UFD1: variants seen among roughly 807,000 people sequenced by gnomAD.
UFD1 encodes ubiquitin recognition factor in ER-associated degradation protein 1.
UFD1 carries 13 observed loss-of-function variants against 45.9 expected under a neutral mutation model. The ratio of observed to expected loss-of-function variants is 0.28; its 90% CI spans 0.18 to 0.45. The LOEUF is 0.45. Ranked by LOEUF, UFD1 falls within the 20% of genes least tolerant of loss-of-function variation. UFD1 has a pLI of 1.00. For synonymous variants in UFD1, 128 were observed against 139.2 expected (o/e 0.92, Z 0.56); for missense variants, 218 against 389.2 (o/e 0.56, Z 3.70).
chr22:19,473,026 T>C (rs570587443), intron 3 of UFD1, among the ~76,000 whole-genome samples: 12 of 152,288 alleles, frequency 7.9e-5, no homozygotes, highest in African/African-American at 2.9e-4. Flanking sequence ...ACAGAGAACC[T>C]CTGAGAGTAG....
intron 11 of UFD1, chr22:19,453,926 G>A (rs938319066): frequency 4.5e-5 from 44 of 985,542 alleles, no homozygotes; most frequent in African/African-American, 1.6e-4. Context: ...CTGAAGCGCT[G>A]GTGTTGTAGA....
chr22:19,454,217 C>T, intron 11 of UFD1: 5 of 992,590 alleles, frequency 5.0e-6, no homozygotes, highest in Non-Finnish European at 6.0e-6. Context: ...TTTCATACAC[C>T]CTACACCAGC....
rs2146310437 is a variant in UFD1, at chr22:19,475,557, T to C, written c.49A>G (p.Asn17Asp). The change falls in exon 2 of 12, where the codon AAC becomes GAC. Residue 17 changes from asparagine to aspartate, a missense_variant. Asn to Asp is a conservative substitution (Grantham distance 23). Around this residue, in one of 2 missense-constraint regions of UFD1, gnomAD observed 149 missense variants for 307.5 expected, o/e 0.48. Transcript: ENST00000263202. ...FDHPIPRVFQ[N>D]RFSTQYRCFS... The stretch of plus-strand genomic sequence containing the variant: ...CAGCGGTACTGTGTGGAGAAGCGGT[T>C]TTGGAAGACCCTGGGAATAGGGTGG... 1 of 1,614,060 alleles carries C rather than the reference T, an allele frequency of 6.2e-7. No individual in the cohort carries two copies. The highest frequency in any genetic ancestry group is 2.2e-5 in the East Asian group (1 of 44,884).
At chr22:19,471,198 C>G (rs755699243) in intron 4 of UFD1, 1 of 506,304 alleles carries the variant, frequency 2.0e-6, no homozygotes, top group South Asian at 1.4e-5. Context: ...TCCTTCAAGT[C>G]AACTTTCCAA....
chr22:19,458,974 A>G (rs1286129431), intron 6 of UFD1, among the ~76,000 whole-genome samples: 12 of 152,200 alleles, frequency 7.9e-5, no homozygotes. Flanking sequence ...GTTGGGCAAA[A>G]TCATCTACTA....
At chr22:19,451,853 C>G in intron 11 of UFD1, 3 of 985,468 alleles carry the variant, frequency 3.0e-6, no homozygotes, top group Non-Finnish European at 3.6e-6. Flanking sequence ...AAACCTGTGT[C>G]TCCTGGGCCT....
Position 19,456,569 on chromosome 22 carries a change from A to T in UFD1, c.678+18T>A. 1 of 1,614,150 alleles carries T rather than the reference A, an allele frequency of 6.2e-7. No individual in the cohort carries two copies. Among genetic ancestry groups the T allele is most frequent in the Non-Finnish European group, 8.5e-7 (1 of 1,180,020 alleles). Reference sequence around the variant, plus strand: ...AGCAGAGGGCACAGCAATATAAGTCAAGTGGTCTGGTACTCACGCGGAAGC... The same window carrying T: ...AGCAGAGGGCACAGCAATATAAGTCTAGTGGTCTGGTACTCACGCGGAAGC... On this transcript the variant is annotated intron_variant, in intron 9 of 11. Transcript: ENST00000263202.
In UFD1 at chr22:19,454,941, GC is replaced by G. The variant is rs2089711756; in HGVS notation, c.768-112del. ...AAAGATGCTGCTGCACCCCACCTGG[GC>G]CCTTTGGTGCTTCCTGGCATCCTCC... On this transcript the variant is annotated intron_variant, in intron 10 of 11. Coordinates refer to ENST00000263202, the MANE Select transcript of UFD1 (RefSeq NM_005659.7). 4 of 1,226,958 alleles carry G rather than the reference GC, an allele frequency of 3.3e-6. No individual in the cohort carries two copies. In the East Asian group the frequency reaches 1.0e-4, roughly 32 times the overall value. The allele number at this position is 1,226,958 out of a possible 1,614,324, so 76.0% of individuals were successfully genotyped here.
At chr22:19,459,804 TCTTGGCTCA>T (rs2089752187) in intron 6 of UFD1, among the ~76,000 whole-genome samples, 1 of 144,240 alleles carries the variant, frequency 6.9e-6, no homozygotes, top group Non-Finnish European at 1.5e-5. Flanking sequence ...AATGGTATGG[TCTTGGCTCA>T]CTGCAACCTC....
At chr22:19,463,118 G>T (rs2089778830) in intron 6 of UFD1, among the ~76,000 whole-genome samples, 2 of 152,060 alleles carry the variant, frequency 1.3e-5, no homozygotes, top group African/African-American at 4.8e-5. Flanking sequence ...TGTCATGATG[G>T]GCTGACCACC....
intron 4 of UFD1, 104 bp downstream of exon 4, chr22:19,471,583 G>A: frequency 2.7e-6 from 4 of 1,501,338 alleles, no homozygotes; most frequent in Non-Finnish European, 3.6e-6. Flanking sequence ...ACGCTGAGCA[G>A]GAGGAGTAGG....
chr22:19,450,859 G>T, intron 11 of UFD1, 115 bp from the exon 12 acceptor site: 1 of 1,566,870 alleles, frequency 6.4e-7, no homozygotes, highest in East Asian at 2.3e-5. Flanking sequence ...TCTCAGGCTG[G>T]ACACGATAGC....
At chr22:19,470,735 C>T (rs142600362) in intron 4 of UFD1, 1 of 455,870 alleles carries the variant, frequency 2.2e-6, no homozygotes, top group Non-Finnish European at 4.4e-6. Context: ...AGCCACCGTA[C>T]CTGGCCAGAA....
At chr22:19,479,014 G>C (rs2089922304) in intron 1 of UFD1, 69 bp downstream of exon 1, 22 of 1,418,954 alleles carry the variant, frequency 1.6e-5, no homozygotes, top group Non-Finnish European at 1.8e-5. Context: ...GCCCCGCCCT[G>C]CCCCGCCGGG....
intron 6 of UFD1, 35 bp downstream of exon 6, chr22:19,465,167 T>C (rs766638676): frequency 6.2e-7 from 1 of 1,602,950 alleles, no homozygotes; most frequent in Non-Finnish European, 8.5e-7. Flanking sequence ...TGCAGGTGGC[T>C]CTTGTCAGGA....
Position 19,479,180 on chromosome 22 carries a change from C to G in UFD1, c.-95G>C, listed in dbSNP as rs2089928385. On this transcript the variant is annotated 5_prime_UTR_variant, in exon 1 of 12. Coordinates refer to ENST00000263202, the MANE Select transcript of UFD1 (RefSeq NM_005659.7). ...CCAGCCGCCGCTGCCGCTGCCGCCG[C>G]GCCAAGCCGGTACGCCCCAGAGGCT... 1.4e-5 allele frequency: 22 copies of G among 1,575,956 alleles called. No homozygotes were observed. The highest frequency in any genetic ancestry group is 1.8e-5 in the Non-Finnish European group (21 of 1,162,278).
intron 5 of UFD1, 30 bp downstream of exon 5, chr22:19,467,843 A>G (rs1315595309): frequency 7.4e-6 from 12 of 1,612,452 alleles, no homozygotes; most frequent in African/African-American, 1.3e-5. Flanking sequence ...TCCTTTGTCT[A>G]GAAGAACTCC....
chr22:19,460,938 T>C (rs528620339), intron 6 of UFD1, among the ~76,000 whole-genome samples: 1 of 152,246 alleles, frequency 6.6e-6, no homozygotes, highest in East Asian at 1.9e-4. Flanking sequence ...TAATTTTTTG[T>C]AGTGACAGGA....
At chr22:19,451,759 A>C (rs992736396) in intron 11 of UFD1, 1 of 985,332 alleles carries the variant, frequency 1.0e-6, no homozygotes, top group African/African-American at 1.7e-5. Context: ...ACAGCCTTCC[A>C]TTCATCCTGG....
Sources: allele counts gnomAD v4.1 joint callset (sites outside exome capture counted in the v4.1 genomes callset), GRCh38; gene constraint gnomAD v4.1.1; regional missense constraint gnomAD v4.1.1; transcripts MANE v1.5; gene names NCBI Gene and HGNC (gene_info 2026-07-23, HGNC 2026-07-21).